The following FAM83G variants were observed in gnomAD, a reference collection of about 807,000 sequenced individuals.
FAM83G encodes the protein scaffolding CK1 anchoring protein G, also known as protein FAM83G.
FAM83G carries 38 observed loss-of-function variants against 61.5 expected under a neutral mutation model. The observed-to-expected ratio is 0.62, with a 90% CI of 0.48 to 0.81. The LOEUF (loss-of-function observed/expected upper bound fraction) is 0.81, where lower values mean the gene tolerates loss of function less well. Among genes scored for constraint, FAM83G ranks in the 30% least tolerant of loss-of-function variants. FAM83G has a pLI of 0.00. For missense variants in FAM83G, 989 were observed against 1,133.6 expected, an observed-to-expected ratio of 0.87 and a Z score of 1.83; for synonymous variants, 470 against 476.1, an observed-to-expected ratio of 0.99 and a Z score of 0.17.
chr17:18,992,956 G>A (rs1176451951), intron 2 of FAM83G, among the ~76,000 whole-genome samples: 1 of 152,208 alleles, frequency 6.6e-6, no homozygotes, highest in East Asian at 1.9e-4. Context: ...CACAACAGCT[G>A]TTTCCTAGCC....
Position 18,995,401 on chromosome 17 carries a change from T to C in FAM83G, c.523-6987A>G, listed in dbSNP as rs78338149. 0.017 allele frequency among the ~76,000 whole-genome samples: 2,541 copies of C among 152,230 alleles called. 121 individuals are homozygous for C. The South Asian group carries it at 0.2, about 12-fold the overall frequency. On this transcript the variant is annotated intron_variant, in intron 2 of 5. Transcript: ENST00000388995. ...ACTATAGAAGAGAAAATTAGTGAAC[T>C]TGAAGACATGTAAGTAGAAACTGTC...
chr17:18,987,727 T>C (rs1346563059), intron 3 of FAM83G, among the ~76,000 whole-genome samples: 1 of 152,220 alleles, frequency 6.6e-6, no homozygotes, highest in Non-Finnish European at 1.5e-5. Context: ...ACTTCAACTG[T>C]GCAGCCATCG....
chr17:18,970,849 A>G lies in FAM83G; in HGVS notation c.*510T>C, dbSNP rs914531643. On this transcript the variant is annotated 3_prime_UTR_variant, in exon 6 of 6. Coordinates refer to ENST00000388995, the MANE Select transcript of FAM83G (RefSeq NM_001039999.3). ...TCAAATACACCTTAAAAAAAAAAAC[A>G]ACCCTCTACCCTCACACCTTTCCAA... 4.2e-5 allele frequency: 26 copies of G among 617,478 alleles called. No individual in the cohort carries two copies. The highest frequency in any genetic ancestry group is 7.4e-5 in the Non-Finnish European group (26 of 351,714). 38.2% of individuals were successfully genotyped at this position (617,478 alleles called of 1,614,324 possible).
chr17:18,981,616 G>T lies in FAM83G; in HGVS notation c.691-1943C>A, dbSNP rs149363891. ...TTCCGTGTCCCAGACCCCTGTGGCT[G>T]GGGTGGCCCCAGGCAAGCAACCACA... On this transcript the variant is annotated intron_variant, in intron 3 of 5. Coordinates refer to ENST00000388995, the MANE Select transcript of FAM83G (RefSeq NM_001039999.3). Among the ~76,000 whole-genome samples the T allele has an allele frequency of 4.2e-3, 644 of 152,330 alleles. 11 individuals carry two copies. The highest frequency in any genetic ancestry group is 0.036 in the Admixed American group (552 of 15,310).
chr17:18,974,904 T>C (rs1233274865), intron 5 of FAM83G, among the ~76,000 whole-genome samples: 2 of 151,994 alleles, frequency 1.3e-5, no homozygotes, highest in Non-Finnish European at 2.9e-5. Flanking sequence ...TGCTGACATC[T>C]GAGTTGGGGG....
intron 2 of FAM83G, among the ~76,000 whole-genome samples, chr17:18,994,418 C>T (rs1401187169): frequency 2.6e-5 from 4 of 152,080 alleles, no homozygotes; most frequent in Non-Finnish European, 4.4e-5. Flanking sequence ...ATTTGCAGGA[C>T]GGAGTGCCGC....
intron 2 of FAM83G, among the ~76,000 whole-genome samples, chr17:18,997,914 T>C (rs995233790): frequency 6.6e-6 from 1 of 152,212 alleles, no homozygotes; most frequent in African/African-American, 2.4e-5. Flanking sequence ...ACTGACTTTA[T>C]GAGGCAGGTG....
Position 18,974,824 on chromosome 17 carries a change from G to A in FAM83G, c.2082+2760C>T, listed in dbSNP as rs113860772. Among the ~76,000 whole-genome samples the A allele has an allele frequency of 3.7e-3, 565 of 152,284 alleles. 4 individuals carry two copies. The highest frequency in any genetic ancestry group is 0.013 in the African/African-American group (535 of 41,560). ...AATGGCCACTCAGGGAGTGAGTGCC[G>A]GCTTCCTCAGGGAAGAGCGCCTGGC... On this transcript the variant is annotated intron_variant, in intron 5 of 5. Coordinates refer to ENST00000388995, the MANE Select transcript of FAM83G (RefSeq NM_001039999.3).
rs1287026198 is a variant in FAM83G at position 18,988,411 on chromosome 17, T to C, written c.526A>G (p.Ile176Val). Residue 176 changes from isoleucine to valine, a missense_variant, in exon 3 of 6, where the codon ATA (isoleucine) becomes GTA (valine). Ile to Val is a conservative substitution (Grantham distance 29). Coordinates refer to ENST00000388995, the MANE Select transcript of FAM83G (RefSeq NM_001039999.3). ...RKMISQAQKV[I>V]AVVMDMFTDV... is the part of the protein sequence containing the mutation. ...GTGAACATGTCCATGACCACAGCTATCACCTGGGAGCAAGAAGAGAGACTA... is the reference window on the plus strand; with the variant it reads ...GTGAACATGTCCATGACCACAGCTACCACCTGGGAGCAAGAAGAGAGACTA... 6.2e-7 allele frequency: 1 copy of C among 1,613,910 alleles called. No homozygotes were observed. Among genetic ancestry groups the C allele is most frequent in the Non-Finnish European group, 8.5e-7 (1 of 1,179,830 alleles).
At position 18,978,016 on chromosome 17, in the gene FAM83G, G is replaced by C. The variant is rs1266435283; in HGVS notation, c.1650C>G (p.Gly550=). 6.5e-7 allele frequency: 1 copy of C among 1,546,340 alleles called. No individual in the cohort carries two copies. The highest frequency in any genetic ancestry group is 1.2e-5 in the South Asian group (1 of 80,414). ...DHRLPRMAGP[G]HAPLQRQLSV... ...ATAGCTGCCGCTGGAGTGGGGCGTG[G>C]CCTGGGCCTGCCATCCTGGGTAGCC... Residue 550 remains glycine (G), a synonymous_variant, in exon 5 of 6, where the codon GGC becomes GGG. Transcript: ENST00000388995.
chr17:18,972,885 G>C (rs913827000), intron 5 of FAM83G, among the ~76,000 whole-genome samples: 3 of 136,696 alleles, frequency 2.2e-5, no homozygotes, highest in Admixed American at 7.3e-5. Flanking sequence ...AAAAAAAAAA[G>C]AACAGACCCC....
At chr17:18,972,909 C>T (rs1300327072) in intron 5 of FAM83G, among the ~76,000 whole-genome samples, 1 of 151,878 alleles carries the variant, frequency 6.6e-6, no homozygotes, top group Non-Finnish European at 1.5e-5. Flanking sequence ...TAGGAGCTAT[C>T]AGAAGCTCTG....
At chr17:18,979,434 C>T in intron 4 of FAM83G, 115 bp downstream of exon 4, 2 of 1,347,178 alleles carry the variant, frequency 1.5e-6, no homozygotes, top group Non-Finnish European at 2.0e-6. Context: ...CCTGCGCACA[C>T]CTCAGCAGCC....
chr17:18,974,632 C>T (rs1372480670), intron 5 of FAM83G, among the ~76,000 whole-genome samples: 1 of 152,258 alleles, frequency 6.6e-6, no homozygotes, highest in East Asian at 1.9e-4. Context: ...GTGCTGACTC[C>T]AATGGCCACA....
rs2043773628 is a variant in FAM83G at position 19,003,127 on chromosome 17, A to G, written c.522+393T>C. 6.6e-6 allele frequency among the ~76,000 whole-genome samples: 1 copy of G among 151,762 alleles called. No individual in the cohort carries two copies. The highest frequency in any genetic ancestry group is 6.6e-5 in the Admixed American group (1 of 15,248). On this transcript the variant is annotated intron_variant, in intron 2 of 5. Coordinates refer to ENST00000388995, the MANE Select transcript of FAM83G (RefSeq NM_001039999.3). The surrounding 1 kb of genome is among the most constrained non-coding windows in gnomAD (Gnocchi z 4.5). ...CCCCACAACAAAAGCTCTCCCCACC[A>G]GAGAGCTCATGGTGTGTGCGCGCCT... is the stretch of plus-strand genomic sequence containing the variant.
rs772441687 is a variant in FAM83G, at chr17:18,969,147, C to T, written c.*2212G>A. Reference sequence around the variant, plus strand: ...TCACGCTCGGCATCACAGCCCTGTACACCATCGCAGGTATGGTGCCTGCAG... The same window carrying T: ...TCACGCTCGGCATCACAGCCCTGTATACCATCGCAGGTATGGTGCCTGCAG... On this transcript the variant is annotated 3_prime_UTR_variant, in exon 6 of 6. Transcript: ENST00000388995. 5.5e-5 allele frequency: 88 copies of T among 1,613,882 alleles called. No individual in the cohort carries two copies. The highest frequency in any genetic ancestry group is 3.7e-4 in the South Asian group (34 of 91,044).
intron 3 of FAM83G, among the ~76,000 whole-genome samples, chr17:18,983,342 C>T (rs547957224): frequency 6.6e-6 from 1 of 152,402 alleles, no homozygotes; most frequent in South Asian, 2.1e-4. Flanking sequence ...CCAGGTCCCA[C>T]AGCAGGTCAA....
intron 3 of FAM83G, among the ~76,000 whole-genome samples, chr17:18,981,931 C>T (rs1226600004): frequency 1.3e-5 from 2 of 152,218 alleles, no homozygotes; most frequent in African/African-American, 4.8e-5. Flanking sequence ...CCTTCCCTGT[C>T]ACTGAGCCCA....
chr17:18,994,151 A>G (rs529811545), intron 2 of FAM83G, among the ~76,000 whole-genome samples: 1 of 152,300 alleles, frequency 6.6e-6, no homozygotes, highest in Non-Finnish European at 1.5e-5. Flanking sequence ...TTCAACTTCC[A>G]CTTACAGCCA....
Sources: allele counts gnomAD v4.1 joint callset (sites outside exome capture counted in the v4.1 genomes callset), GRCh38; gene constraint gnomAD v4.1.1; non-coding constraint Gnocchi (gnomAD v3.1); transcripts MANE v1.5; gene names NCBI Gene and HGNC (gene_info 2026-07-23, HGNC 2026-07-21).